The following RALYL variants were observed in gnomAD, a reference collection of about 807,000 sequenced individuals.
RALYL encodes RALY RNA binding protein like.
In RALYL, 29 loss-of-function variants were observed where a neutral mutation model predicts 35.1. That is an observed-to-expected ratio of 0.83 (90% confidence interval 0.61 to 1.13). RALYL has a LOEUF of 1.13. Ranked by LOEUF, RALYL falls within the 50% of genes most tolerant of loss-of-function variation. The pLI is 0.00. For synonymous variants in RALYL, 120 were observed against 127.6 expected, an observed-to-expected ratio of 0.94 and a Z score of 0.40; for missense variants, 359 against 360.4, an observed-to-expected ratio of 1.00 and a Z score of 0.03.
At chr8:84,260,234 A>G (rs1398066957) in intron 1 of RALYL, among the ~76,000 whole-genome samples, 1 of 152,174 alleles carries the variant, frequency 6.6e-6, no homozygotes, top group Admixed American at 6.5e-5. Context: ...TCCAGAACCT[A>G]AAATAAAAGT....
intron 1 of RALYL, among the ~76,000 whole-genome samples, chr8:84,247,071 A>T (rs938162773): frequency 6.6e-6 from 1 of 152,160 alleles, no homozygotes; most frequent in African/African-American, 2.4e-5. Context: ...TTATAGGGTT[A>T]GTGAAATTAT....
intron 1 of RALYL, among the ~76,000 whole-genome samples, chr8:84,403,532 T>TTG (rs1486529615): frequency 7.6e-6 from 1 of 130,964 alleles, no homozygotes; most frequent in East Asian, 2.1e-4. Context: ...CTGTTTTTTT[T>TTG]TTTTTTTTTT....
At chr8:84,591,279 C>G (rs1289542637) in intron 2 of RALYL, among the ~76,000 whole-genome samples, 1 of 152,056 alleles carries the variant, frequency 6.6e-6, no homozygotes, top group African/African-American at 2.4e-5. Flanking sequence ...ACATCAGGGT[C>G]AGAAGGTACC....
chr8:84,406,870 C>G (rs1180346292), intron 1 of RALYL, among the ~76,000 whole-genome samples: 1 of 152,052 alleles, frequency 6.6e-6, no homozygotes, highest in Non-Finnish European at 1.5e-5. Context: ...ATATAATCTT[C>G]AAAGGAGTGC....
intron 2 of RALYL, among the ~76,000 whole-genome samples, chr8:84,585,447 A>T (rs183153231): frequency 3.3e-5 from 5 of 152,282 alleles, no homozygotes; most frequent in African/African-American, 9.6e-5. Flanking sequence ...GAATTATGGG[A>T]ATCAGATAAC....
chr8:84,653,704 T>C (rs932830989), intron 2 of RALYL, among the ~76,000 whole-genome samples: 4 of 148,676 alleles, frequency 2.7e-5, no homozygotes, highest in Non-Finnish European at 5.9e-5. Context: ...CATACCTCCA[T>C]AAAACAGACC....
chr8:84,675,442 T>A (rs1389945376), intron 2 of RALYL, among the ~76,000 whole-genome samples: 2 of 152,286 alleles, frequency 1.3e-5, no homozygotes, highest in Non-Finnish European at 2.9e-5. Context: ...CTGAATGGAA[T>A]AGACCTAATT....
At chr8:84,297,054 TAC>T (rs1360672905) in intron 1 of RALYL, among the ~76,000 whole-genome samples, 5 of 150,500 alleles carry the variant, frequency 3.3e-5, no homozygotes, top group African/African-American at 1.2e-4. Context: ...TTTCTTCATT[TAC>T]AAAAAAAAAA....
intron 6 of RALYL, among the ~76,000 whole-genome samples, chr8:84,869,764 A>C (rs1041471822): frequency 6.6e-6 from 1 of 152,182 alleles, no homozygotes; most frequent in Non-Finnish European, 1.5e-5. Flanking sequence ...ATTTACCCTG[A>C]ATAGACTTGA....
At chr8:84,500,106 G>A (rs574914430) in intron 1 of RALYL, among the ~76,000 whole-genome samples, 70 of 152,038 alleles carry the variant, frequency 4.6e-4, no homozygotes, top group Non-Finnish European at 7.9e-4. Context: ...ATATGACACC[G>A]TATAAATTTA....
chr8:84,696,700 T>G (rs961259195), intron 2 of RALYL, among the ~76,000 whole-genome samples: 2 of 152,048 alleles, frequency 1.3e-5, no homozygotes, highest in Non-Finnish European at 2.9e-5. Flanking sequence ...CCATAATTTC[T>G]GTTTCTGTAT....
At chr8:84,467,929 G>A (rs1014589137) in intron 1 of RALYL, among the ~76,000 whole-genome samples, 16 of 136,974 alleles carry the variant, frequency 1.2e-4, no homozygotes, top group African/African-American at 4.2e-4. Context: ...ATCTTTGTTG[G>A]TTTAAAGTCT....
At chr8:84,819,200 A>AT (rs748538135) in intron 4 of RALYL, among the ~76,000 whole-genome samples, 2 of 152,056 alleles carry the variant, frequency 1.3e-5, no homozygotes, top group Admixed American at 6.6e-5. Flanking sequence ...CATTTGCTTC[A>AT]TTTTTTTCCC....
At chr8:84,354,850 T>C (rs1851527618) in intron 1 of RALYL, among the ~76,000 whole-genome samples, 1 of 150,118 alleles carries the variant, frequency 6.7e-6, no homozygotes, top group African/African-American at 2.5e-5. Context: ...AATGGTTCTT[T>C]AGAAAAGCCG....
chr8:84,423,268 T>C (rs1427074882), intron 1 of RALYL, among the ~76,000 whole-genome samples: 1 of 151,688 alleles, frequency 6.6e-6, no homozygotes, highest in African/African-American at 2.4e-5. Flanking sequence ...GATAGTTAGC[T>C]CTTCTTGTTG....
intron 1 of RALYL, among the ~76,000 whole-genome samples, chr8:84,199,604 T>C (rs1816328926): frequency 6.6e-6 from 1 of 152,198 alleles, no homozygotes; most frequent in Admixed American, 6.5e-5. Context: ...CCCAATACTT[T>C]GTTGTAGTAG....
At chr8:84,747,339 T>C (rs762506189) in intron 2 of RALYL, among the ~76,000 whole-genome samples, 8 of 151,992 alleles carry the variant, frequency 5.3e-5, no homozygotes, top group Non-Finnish European at 1.2e-4. Flanking sequence ...TTTAGATTCA[T>C]CTTACATGAT....
At chr8:84,491,973 C>T (rs965741647) in intron 1 of RALYL, among the ~76,000 whole-genome samples, 1 of 151,514 alleles carries the variant, frequency 6.6e-6, no homozygotes, top group African/African-American at 2.4e-5. Flanking sequence ...TTGTGTTATC[C>T]CAGTTTTAAA....
intron 1 of RALYL, among the ~76,000 whole-genome samples, chr8:84,383,771 G>GAC (rs1243636773): frequency 6.9e-6 from 1 of 144,468 alleles, no homozygotes; most frequent in African/African-American, 2.6e-5. Context: ...ATTGATTTGA[G>GAC]ACAGTTACAT....
Sources: allele counts gnomAD v4.1 joint callset (sites outside exome capture counted in the v4.1 genomes callset), GRCh38; gene constraint gnomAD v4.1.1; transcripts MANE v1.5; gene names NCBI Gene and HGNC (gene_info 2026-07-23, HGNC 2026-07-21).